Variants in ARHGEF3 observed in about 807,000 individuals in gnomAD.
The protein encoded by ARHGEF3 is 59.8 kDA protein.
Under a neutral mutation model 63.2 loss-of-function variants are expected in ARHGEF3, and 28 were observed. The ratio of observed to expected loss-of-function variants is 0.44; its 90% CI spans 0.33 to 0.61. ARHGEF3 has a LOEUF of 0.61. ARHGEF3 is among the 20% of genes least tolerant of loss of function. ARHGEF3 has a pLI of 0.03. For synonymous variants in ARHGEF3, 266 were observed against 254.2 expected (o/e 1.05, Z -0.44); for missense variants, 533 against 659.3 (o/e 0.81, Z 2.10).
chr3:57,013,202 C>T (rs1702781480), intron 2 of ARHGEF3, among the ~76,000 whole-genome samples: 1 of 152,212 alleles, frequency 6.6e-6, no homozygotes, highest in African/African-American at 2.4e-5. Flanking sequence ...GCACTGCCCC[C>T]TGCTCCATGG....
intron 3 of ARHGEF3, among the ~76,000 whole-genome samples, chr3:56,915,520 T>C (rs1013397066): frequency 9.9e-5 from 15 of 152,238 alleles, no homozygotes; most frequent in African/African-American, 3.4e-4. Flanking sequence ...TCCAAAACTT[T>C]AACAACTACC....
intron 2 of ARHGEF3, among the ~76,000 whole-genome samples, chr3:57,001,686 G>A (rs566560553): frequency 1.3e-5 from 2 of 152,268 alleles, no homozygotes; most frequent in African/African-American, 4.8e-5. Flanking sequence ...ATGAGGGCAG[G>A]AGATGAGCAG....
At chr3:56,825,867 C>T (rs1257862959) in intron 4 of ARHGEF3, among the ~76,000 whole-genome samples, 2 of 152,124 alleles carry the variant, frequency 1.3e-5, no homozygotes, top group Non-Finnish European at 2.9e-5. Flanking sequence ...CCCCAATTCT[C>T]GGAGCTTATG....
At chr3:56,873,682 T>G (rs2040502651) in intron 4 of ARHGEF3, among the ~76,000 whole-genome samples, 1 of 152,134 alleles carries the variant, frequency 6.6e-6, no homozygotes, top group South Asian at 2.1e-4. Context: ...AGTTTTGGGA[T>G]TACAGGTGTG....
intron 2 of ARHGEF3, among the ~76,000 whole-genome samples, chr3:57,004,207 G>A (rs948773758): frequency 3.9e-5 from 6 of 152,210 alleles, no homozygotes; most frequent in Admixed American, 2.6e-4. Flanking sequence ...CCAGCAGAAT[G>A]TCCTCGTCAG....
At chr3:56,863,028 CT>C (rs1297663155) in intron 4 of ARHGEF3, among the ~76,000 whole-genome samples, 4 of 152,154 alleles carry the variant, frequency 2.6e-5, no homozygotes, top group Admixed American at 6.5e-5. Flanking sequence ...GTGGTGCCCC[CT>C]AACCATGTCT....
intron 7 of ARHGEF3, among the ~76,000 whole-genome samples, chr3:56,740,655 G>A (rs1027027167): frequency 3.3e-5 from 5 of 152,192 alleles, no homozygotes; most frequent in Non-Finnish European, 7.3e-5. Context: ...AGGTATCTGA[G>A]CAACTGTGTT....
chr3:56,957,377 C>T (rs1482731627), intron 3 of ARHGEF3, among the ~76,000 whole-genome samples: 1 of 152,152 alleles, frequency 6.6e-6, no homozygotes, highest in African/African-American at 2.4e-5. Flanking sequence ...AAGACCTGAA[C>T]TTGAAACGCA....
At chr3:56,958,978 G>C in intron 2 of ARHGEF3, 1 of 1,353,648 alleles carries the variant, frequency 7.4e-7, no homozygotes, top group Non-Finnish European at 1.0e-6. Context: ...ATCAAAAAGA[G>C]AGATGCCTCA....
chr3:56,817,261 CA>C (rs544726217), intron 4 of ARHGEF3, among the ~76,000 whole-genome samples: 69 of 152,294 alleles, frequency 4.5e-4, no homozygotes, highest in African/African-American at 1.5e-3. Context: ...GGGGCTACCA[CA>C]TAGTAATAAT....
chr3:56,861,207 A>T (rs1355847296), intron 4 of ARHGEF3, among the ~76,000 whole-genome samples: 1 of 152,198 alleles, frequency 6.6e-6, no homozygotes, highest in Non-Finnish European at 1.5e-5. Context: ...AGTGGTGGTC[A>T]GTGCCAGGGT....
intron 1 of ARHGEF3, among the ~76,000 whole-genome samples, chr3:56,793,001 T>G (rs897598958): frequency 7.2e-5 from 11 of 151,812 alleles, no homozygotes; most frequent in African/African-American, 2.2e-4. Flanking sequence ...GGTTTTTTTT[T>G]TTTTTTATTT....
At position 56,868,865 on chromosome 3, in the gene ARHGEF3, A is replaced by T. The variant is rs1198334598; in HGVS notation, c.192+13427T>A. ...GCAACCCCCACTTGTCTGCAGATGA[A>T]TGAGTCTTAAGTTTAGCTTCTTTCA... On this transcript the variant is annotated intron_variant, in intron 4 of 12. Transcript: ENST00000338458. Among the ~76,000 whole-genome samples the T allele has an allele frequency of 2.6e-5, 4 of 152,206 alleles. No individual in the cohort carries two copies. In the South Asian group the frequency reaches 8.3e-4, roughly 32 times the overall value.
chr3:57,035,069 G>A (rs1579135984), intron 2 of ARHGEF3: 2 of 1,518,184 alleles, frequency 1.3e-6, no homozygotes, highest in Non-Finnish European at 1.8e-6. Context: ...AATTATTTAG[G>A]TTATTTGATT....
At chr3:56,887,610 G>A (rs2040967646) in intron 3 of ARHGEF3, among the ~76,000 whole-genome samples, 1 of 152,134 alleles carries the variant, frequency 6.6e-6, no homozygotes, top group African/African-American at 2.4e-5. Flanking sequence ...CAGTTACCTG[G>A]GGGCGTTCCC....
At chr3:56,955,104 C>T (rs1172382822) in intron 3 of ARHGEF3, among the ~76,000 whole-genome samples, 2 of 152,106 alleles carry the variant, frequency 1.3e-5, no homozygotes, top group Admixed American at 1.3e-4. Flanking sequence ...CATTTCTCAC[C>T]ATCACCTCGT....
chr3:56,977,513 T>A (rs1701170888), intron 2 of ARHGEF3: 2 of 341,940 alleles, frequency 5.8e-6, no homozygotes, highest in Admixed American at 7.9e-5. Flanking sequence ...AGACATGTCC[T>A]TTTACCTGCC....
chr3:56,933,289 T>C (rs1322774008), intron 3 of ARHGEF3, among the ~76,000 whole-genome samples: 2 of 152,364 alleles, frequency 1.3e-5, no homozygotes, highest in Non-Finnish European at 2.9e-5. Context: ...GAATGTCTTT[T>C]TTATTTAAGG....
Position 56,862,616 on chromosome 3 carries a change from G to A in ARHGEF3, c.192+19676C>T, listed in dbSNP as rs182187947. ...CACACAGGACGAGGCTGCTGCAGGC[G>A]GCTGACTGAGACTGACCAGCAAATT... On this transcript the variant is annotated intron_variant, in intron 4 of 12. Transcript: ENST00000338458. Among the ~76,000 whole-genome samples the A allele has an allele frequency of 2.6e-3, 402 of 152,216 alleles. 2 individuals carry two copies. The highest frequency in any genetic ancestry group is 9.3e-3 in the African/African-American group (387 of 41,562).
Sources: gnomAD v4.1 joint callset for allele counts (sites outside exome capture counted in the v4.1 genomes callset) on GRCh38, gnomAD v4.1.1 for gene constraint, MANE v1.5 for transcripts, NCBI Gene and HGNC (gene_info 2026-07-23, HGNC 2026-07-21) for gene names.